Variants in MAPK10 observed in about 807,000 individuals in gnomAD.
The protein encoded by MAPK10 is mitogen-activated protein kinase 10.
A neutral mutation model predicts 59.3 loss-of-function variants in MAPK10; 25 were observed. The ratio of observed to expected loss-of-function variants is 0.42; its 90% CI spans 0.31 to 0.59. The LOEUF (loss-of-function observed/expected upper bound fraction) is 0.59. MAPK10 is among the 20% of genes least tolerant of loss of function. MAPK10 has a pLI of 0.15. For synonymous variants in MAPK10, 190 were observed against 200.5 expected, an observed-to-expected ratio of 0.95 and a Z score of 0.44; for missense variants, 351 against 568.9, an observed-to-expected ratio of 0.62 and a Z score of 3.90.
At chr4:86,382,042 G>A (rs1472255337) in intron 1 of MAPK10, among the ~76,000 whole-genome samples, 1 of 152,076 alleles carries the variant, frequency 6.6e-6, no homozygotes, top group Non-Finnish European at 1.5e-5. Flanking sequence ...TTGGGACAGG[G>A]CTATCCTGAG....
intron 1 of MAPK10, among the ~76,000 whole-genome samples, chr4:86,495,537 AT>A (rs1341256545): frequency 6.6e-6 from 1 of 152,244 alleles, no homozygotes; most frequent in African/African-American, 2.4e-5. Flanking sequence ...ACATCTAAAA[AT>A]AATTCCTTAA....
chr4:86,457,078 G>A (rs1353791633), upstream of MAPK10, among the ~76,000 whole-genome samples: 1 of 152,134 alleles, frequency 6.6e-6, no homozygotes, highest in Non-Finnish European at 1.5e-5. Context: ...CTCAATAGAT[G>A]CAGCAAAAGC....
At chr4:86,334,510 T>C (rs1267323886) in intron 2 of MAPK10, among the ~76,000 whole-genome samples, 1 of 152,166 alleles carries the variant, frequency 6.6e-6, no homozygotes, top group Admixed American at 6.6e-5. Context: ...CTCTTCATAA[T>C]GTAATTTGAC....
intron 4 of MAPK10, among the ~76,000 whole-genome samples, chr4:86,110,867 C>T (rs148113342): frequency 3.8e-4 from 58 of 152,146 alleles, no homozygotes; most frequent in Non-Finnish European, 5.6e-4. Flanking sequence ...TCCATGAGCA[C>T]GGAATGTTTT....
chr4:86,318,297 T>A (rs796526727), intron 2 of MAPK10, among the ~76,000 whole-genome samples: 5 of 152,274 alleles, frequency 3.3e-5, no homozygotes, highest in African/African-American at 1.2e-4. Context: ...ATAAACAATA[T>A]TCTCCAGTGA....
chr4:86,189,818 C>T (rs1359323816), intron 3 of MAPK10, among the ~76,000 whole-genome samples: 1 of 152,106 alleles, frequency 6.6e-6, no homozygotes, highest in Non-Finnish European at 1.5e-5. Context: ...GGCACCTTGT[C>T]TTCTGCTGGT....
At position 86,087,851 on chromosome 4, in the gene MAPK10, A is replaced by G. The variant is rs529163640; in HGVS notation, c.802+10673T>C. Among the ~76,000 whole-genome samples, 66 of 152,234 alleles carry G rather than the reference A, an allele frequency of 4.3e-4. No individual in the cohort carries two copies. In the Middle Eastern group the frequency reaches 0.017, roughly 40 times the overall value. On this transcript the variant is annotated intron_variant, in intron 9 of 13. Transcript: ENST00000641462. ...ATTAATCCTCAAGTGTGTATATTACATTATAGACATTTGATAAAAAATTAT... is the reference window on the plus strand; with the variant it reads ...ATTAATCCTCAAGTGTGTATATTACGTTATAGACATTTGATAAAAAATTAT...
chr4:86,117,325 T>A (rs763071632), intron 4 of MAPK10, among the ~76,000 whole-genome samples: 2 of 152,210 alleles, frequency 1.3e-5, no homozygotes, highest in African/African-American at 2.4e-5. Context: ...TTTAATAAAC[T>A]ATCTGTATGA....
Position 86,102,343 on chromosome 4 carries a change from A to G in MAPK10, c.426-311T>C, listed in dbSNP as rs1243580741. ...AATATTATAATTTCAAATAAGAAAAAAATTAAGGACAGCTTCTTCCATTAA... is the reference window on the plus strand; with the variant it reads ...AATATTATAATTTCAAATAAGAAAAGAATTAAGGACAGCTTCTTCCATTAA... On this transcript the variant is annotated intron_variant, in intron 6 of 13. Transcript: ENST00000641462. 10 of 246,822 alleles carry G rather than the reference A, an allele frequency of 4.1e-5. No individual in the cohort carries two copies. In the East Asian group the frequency reaches 7.9e-4, roughly 19 times the overall value. 15.3% of individuals were successfully genotyped at this position (246,822 alleles called of 1,614,324 possible). A position where few individuals can be genotyped will look rare whatever the true frequency, so the allele number is the denominator to read the frequency against.
chr4:86,402,450 G>A (rs1397586788), intron 1 of MAPK10, among the ~76,000 whole-genome samples: 1 of 152,100 alleles, frequency 6.6e-6, no homozygotes, highest in East Asian at 1.9e-4. Flanking sequence ...AATCAGTGCA[G>A]AAAATATAAA....
rs1229782685 is a variant in MAPK10, at chr4:86,354,617, G to T, written c.-94C>A. 1.6e-6 allele frequency: 2 copies of T among 1,229,720 alleles called. No individual in the cohort carries two copies. Among genetic ancestry groups the T allele is most frequent in the East Asian group, 6.3e-5 (2 of 31,668 alleles). 76.2% of individuals were successfully genotyped at this position (1,229,720 alleles called of 1,614,324 possible). ...TTGCCATAGTGAAGATCTGAGATGG[G>T]CCTGCTGTTGGTGTTTCTCACACTA... On this transcript the variant is annotated 5_prime_UTR_variant, in exon 2 of 14. Transcript: ENST00000641462.
chr4:86,339,638 G>A (rs1723705771), intron 2 of MAPK10, among the ~76,000 whole-genome samples: 1 of 152,236 alleles, frequency 6.6e-6, no homozygotes, highest in Admixed American at 6.5e-5. Flanking sequence ...CTCACTGTAG[G>A]ACCTTGGAAA....
chr4:86,344,855 G>A (rs1485590572), intron 2 of MAPK10, among the ~76,000 whole-genome samples: 1 of 152,030 alleles, frequency 6.6e-6, no homozygotes, highest in African/African-American at 2.4e-5. Flanking sequence ...TATTTCTAAA[G>A]GCAAATTTTA....
At chr4:86,208,646 A>G (rs2084879159) in intron 2 of MAPK10, among the ~76,000 whole-genome samples, 2 of 151,986 alleles carry the variant, frequency 1.3e-5, no homozygotes, top group Admixed American at 1.3e-4. Flanking sequence ...CTGAATGGGC[A>G]AAAACCGGAA....
At chr4:86,077,859 T>A (rs1370603720) in intron 9 of MAPK10, among the ~76,000 whole-genome samples, 4 of 152,208 alleles carry the variant, frequency 2.6e-5, no homozygotes, top group Admixed American at 1.3e-4. Context: ...AGGCACAATG[T>A]TGAGTAGGCT....
intron 1 of MAPK10, among the ~76,000 whole-genome samples, chr4:86,546,536 G>C (rs1014881971): frequency 6.9e-6 from 1 of 145,914 alleles, no homozygotes; most frequent in Non-Finnish European, 1.5e-5. Flanking sequence ...CAGCCTGGGG[G>C]ACAAGAGCGA....
intron 1 of MAPK10, among the ~76,000 whole-genome samples, chr4:86,408,987 C>T (rs1744765250): frequency 6.6e-6 from 1 of 152,138 alleles, no homozygotes; most frequent in African/African-American, 2.4e-5. Context: ...ATGCCTATGT[C>T]CTGAGTGGTA....
intron 4 of MAPK10, among the ~76,000 whole-genome samples, chr4:86,130,056 C>T (rs1429377733): frequency 1.3e-5 from 2 of 152,024 alleles, no homozygotes; most frequent in Admixed American, 6.6e-5. Context: ...AGTTTTGTGT[C>T]CTCTGGGATT....
intron 1 of MAPK10, among the ~76,000 whole-genome samples, chr4:86,534,669 A>G (rs896777380): frequency 3.9e-4 from 60 of 152,200 alleles, no homozygotes; most frequent in African/African-American, 1.4e-3. Flanking sequence ...ACCTTGGGAT[A>G]CTGAGGCAGG....
Sources: allele counts gnomAD v4.1 joint callset (sites outside exome capture counted in the v4.1 genomes callset), GRCh38; gene constraint gnomAD v4.1.1; transcripts MANE v1.5; gene names NCBI Gene and HGNC (gene_info 2026-07-23, HGNC 2026-07-21).